The following PRRG1 variants were observed in gnomAD, a reference collection of about 807,000 sequenced individuals.
PRRG1 encodes transmembrane gamma-carboxyglutamic acid protein 1.
Under a neutral mutation model 11.8 loss-of-function variants are expected in PRRG1, and 5 were observed. That is an observed-to-expected ratio of 0.42 (90% confidence interval 0.22 to 0.89). The LOEUF (loss-of-function observed/expected upper bound fraction) is 0.89. Among genes scored for constraint, PRRG1 ranks in the 40% least tolerant of loss-of-function variants. The pLI is 0.28. For synonymous variants in PRRG1, 66 were observed against 60.4 expected (o/e 1.09, Z -0.43); for missense variants, 155 against 166.1 (o/e 0.93, Z 0.37).
At chrX:37,387,650 A>ACCCCATGAT (rs1335120855) in intron 1 of PRRG1, among the ~76,000 whole-genome samples, 2 of 111,042 alleles carry the variant, frequency 1.8e-5, no homozygotes, top group Non-Finnish European at 3.8e-5. Flanking sequence ...TGAGAAACTG[A>ACCCCATGAT]CCCCATGATC....
At chrX:37,400,249 A>G (rs1368272863) in intron 1 of PRRG1, among the ~76,000 whole-genome samples, 1 of 111,812 alleles carries the variant, frequency 8.9e-6, no homozygotes, top group Non-Finnish European at 1.9e-5. Context: ...ACTCCTCAGC[A>G]AATGTAAAAG....
chrX:37,374,255 T>C (rs1284014853), intron 1 of PRRG1, among the ~76,000 whole-genome samples: 1 of 111,861 alleles, frequency 8.9e-6, no homozygotes, highest in African/African-American at 3.2e-5. Flanking sequence ...CCATGATCCA[T>C]AGTTTCTGAT....
chrX:37,383,932 T>G (rs1556374397), intron 1 of PRRG1, among the ~76,000 whole-genome samples: 1 of 110,362 alleles, frequency 9.1e-6, no homozygotes, highest in Non-Finnish European at 1.9e-5. Context: ...AAACTGATTG[T>G]TCTGCTATCT....
At chrX:37,448,409 C>G (rs1796397311) in intron 3 of PRRG1, among the ~76,000 whole-genome samples, 2 of 111,551 alleles carry the variant, frequency 1.8e-5, no homozygotes, top group African/African-American at 3.3e-5. Flanking sequence ...GGAGTTACAC[C>G]CTATGCAAAT....
chrX:37,377,303 G>C (rs1273230656), intron 1 of PRRG1, among the ~76,000 whole-genome samples: 1 of 111,409 alleles, frequency 9.0e-6, no homozygotes, highest in Non-Finnish European at 1.9e-5. Flanking sequence ...TAGTGGACCA[G>C]GTAATTAAAT....
chrX:37,356,009 C>T (rs930631591), intron 1 of PRRG1, among the ~76,000 whole-genome samples: 1 of 112,334 alleles, frequency 8.9e-6, no homozygotes, highest in South Asian at 3.6e-4. Context: ...ATTTGTATGA[C>T]TGTCAATGGC....
intron 3 of PRRG1, among the ~76,000 whole-genome samples, chrX:37,434,288 T>C (rs1932861793): frequency 8.9e-6 from 1 of 112,071 alleles, no homozygotes; most frequent in South Asian, 3.7e-4. Flanking sequence ...TTCACGGTCC[T>C]CATTTTCATC....
In PRRG1 at chrX:37,447,734, T is replaced by C. The variant is rs149118094; in HGVS notation, c.172-5402T>C. 3.3e-3 allele frequency among the ~76,000 whole-genome samples: 367 copies of C among 112,556 alleles called. 2 individuals are homozygous for C. The highest frequency in any genetic ancestry group is 0.011 in the African/African-American group (356 of 31,034). ...AATATGTAGTAGCTAGGATGATTACTTTTAAATCTTGCTTGCCATAACAAT... is the reference window on the plus strand; with the variant it reads ...AATATGTAGTAGCTAGGATGATTACCTTTAAATCTTGCTTGCCATAACAAT... On this transcript the variant is annotated intron_variant, in intron 3 of 3. Transcript: ENST00000378628.
intron 1 of PRRG1, among the ~76,000 whole-genome samples, chrX:37,353,036 T>A (rs1304435382): frequency 8.9e-6 from 1 of 112,097 alleles, no homozygotes; most frequent in Admixed American, 9.5e-5. Context: ...ATATATTTTT[T>A]AAAATTAACT....
chrX:37,393,177 C>T (rs1556377198), intron 1 of PRRG1, among the ~76,000 whole-genome samples: 1 of 110,671 alleles, frequency 9.0e-6, no homozygotes, highest in Non-Finnish European at 1.9e-5. Context: ...CATTTTGATG[C>T]TCTTCCCTAG....
chrX:37,360,738 A>G (rs1244988606), intron 1 of PRRG1, among the ~76,000 whole-genome samples: 1 of 112,400 alleles, frequency 8.9e-6, no homozygotes, highest in Non-Finnish European at 1.9e-5. Flanking sequence ...AAATAACACT[A>G]TACCCCTTCA....
intron 2 of PRRG1, among the ~76,000 whole-genome samples, chrX:37,412,703 A>G (rs1429622008): frequency 9.0e-6 from 1 of 111,129 alleles, no homozygotes; most frequent in Non-Finnish European, 1.9e-5. Flanking sequence ...CCAGAAAAAA[A>G]AAAAGAACTA....
chrX:37,400,970 T>G (rs1401383752), intron 1 of PRRG1, among the ~76,000 whole-genome samples: 3 of 110,462 alleles, frequency 2.7e-5, no homozygotes, highest in African/African-American at 6.6e-5. Flanking sequence ...AATAACAGGC[T>G]CTGAAATTGT....
At chrX:37,413,569 C>G (rs998927054) in intron 2 of PRRG1, among the ~76,000 whole-genome samples, 1 of 111,124 alleles carries the variant, frequency 9.0e-6, no homozygotes, top group African/African-American at 3.3e-5. Flanking sequence ...ACCATGAAAC[C>G]GTCTTCTAAG....
At chrX:37,370,536 A>G (rs782308113) in intron 1 of PRRG1, among the ~76,000 whole-genome samples, 2 of 111,097 alleles carry the variant, frequency 1.8e-5, no homozygotes, top group East Asian at 2.9e-4. Context: ...TGGACCCAGG[A>G]CTTCCTGTGC....
At chrX:37,449,294 A>ATAC (rs1316547082) in intron 3 of PRRG1, among the ~76,000 whole-genome samples, 3 of 111,562 alleles carry the variant, frequency 2.7e-5, no homozygotes, top group Non-Finnish European at 3.8e-5. Flanking sequence ...TCATCAATAC[A>ATAC]TACTCAATGG....
chrX:37,426,249 G>A (rs189033936), intron 3 of PRRG1, among the ~76,000 whole-genome samples: 7 of 111,630 alleles, frequency 6.3e-5, no homozygotes, highest in Non-Finnish European at 1.3e-4. Flanking sequence ...TCATCTTGGC[G>A]AGTAGGAAGG....
chrX:37,372,073 A>G (rs1449458988), intron 1 of PRRG1, among the ~76,000 whole-genome samples: 1 of 112,850 alleles, frequency 8.9e-6, no homozygotes, highest in Non-Finnish European at 1.9e-5. Flanking sequence ...AAATGGCTAT[A>G]CTAATTTACA....
chrX:37,372,586 T>TG (rs1401559980), intron 1 of PRRG1, among the ~76,000 whole-genome samples: 1 of 112,883 alleles, frequency 8.9e-6, no homozygotes, highest in Admixed American at 9.3e-5. Flanking sequence ...AGTGCTGGGA[T>TG]TACAGGCATG....
Sources: gnomAD v4.1 joint callset for allele counts (sites outside exome capture counted in the v4.1 genomes callset) on GRCh38, gnomAD v4.1.1 for gene constraint, MANE v1.5 for transcripts, NCBI Gene and HGNC (gene_info 2026-07-23, HGNC 2026-07-21) for gene names.